Variants in AGBL4 observed in about 807,000 individuals in gnomAD.
AGBL4 encodes cytosolic carboxypeptidase 6.
AGBL4 carries 58 observed loss-of-function variants against 66.4 expected under a neutral mutation model. The ratio of observed to expected loss-of-function variants is 0.87; its 90% CI spans 0.71 to 1.09. The LOEUF is 1.09. Among genes scored for constraint, AGBL4 ranks in the 50% least tolerant of loss-of-function variants. AGBL4 has a pLI of 0.00. For missense variants in AGBL4, 579 were observed against 631.0 expected (o/e 0.92, Z 0.88); for synonymous variants, 234 against 222.9 (o/e 1.05, Z -0.44).
chr1:48,742,743 C>T (rs771957986), intron 6 of AGBL4: 15 of 1,605,192 alleles, frequency 9.3e-6, no homozygotes, highest in Non-Finnish European at 1.2e-5. Context: ...GACATTCTGA[C>T]TTTACTTTTT....
chr1:48,698,038 C>T (rs1646741025), intron 6 of AGBL4, among the ~76,000 whole-genome samples: 1 of 152,218 alleles, frequency 6.6e-6, no homozygotes. Flanking sequence ...AAGGCTGGGC[C>T]ATGGCTGGAC....
At chr1:48,604,617 T>A (rs191853463) in intron 9 of AGBL4, among the ~76,000 whole-genome samples, 1,759 of 152,196 alleles carry the variant, frequency 0.012, 17 homozygotes, top group Middle Eastern at 0.051. Flanking sequence ...AGGTTTTTTT[T>A]TAAAAAAAAT....
intron 6 of AGBL4, among the ~76,000 whole-genome samples, chr1:48,828,724 C>A (rs1457504088): frequency 6.6e-6 from 1 of 152,164 alleles, no homozygotes; most frequent in East Asian, 1.9e-4. Flanking sequence ...TTCTAGGCTG[C>A]CAGTTCTGCC....
At position 49,656,906 on chromosome 1, in the gene AGBL4, A is replaced by C. The variant is rs868132357; in HGVS notation, c.282+40407T>G. Among the ~76,000 whole-genome samples, 5 of 152,332 alleles carry C rather than the reference A, an allele frequency of 3.3e-5. No individual in the cohort carries two copies. In the South Asian group the frequency reaches 1.0e-3, roughly 32 times the overall value. Reference sequence around the variant, plus strand: ...CAAACCCACAGCCAATATCATACTGAATGGGCAAAAACTGGAAGCATTCCC... The same window carrying C: ...CAAACCCACAGCCAATATCATACTGCATGGGCAAAAACTGGAAGCATTCCC... On this transcript the variant is annotated intron_variant, in intron 3 of 13. Transcript: ENST00000371839.
At chr1:49,888,712 A>C (rs1174628056) in intron 1 of AGBL4, among the ~76,000 whole-genome samples, 1 of 152,314 alleles carries the variant, frequency 6.6e-6, no homozygotes, top group African/African-American at 2.4e-5. Context: ...TCTAATGAAC[A>C]TAACCACCCA....
chr1:48,750,769 A>C (rs1651597530), intron 6 of AGBL4, among the ~76,000 whole-genome samples: 1 of 152,334 alleles, frequency 6.6e-6, no homozygotes, highest in Non-Finnish European at 1.5e-5. Flanking sequence ...CTCTAGTGGA[A>C]TGTTACTGGA....
chr1:48,645,870 C>G (rs774402636), intron 8 of AGBL4, among the ~76,000 whole-genome samples: 17 of 151,950 alleles, frequency 1.1e-4, no homozygotes, highest in South Asian at 2.1e-4. Flanking sequence ...GCGGGAAGGA[C>G]AGGGAGGGGA....
intron 3 of AGBL4, among the ~76,000 whole-genome samples, chr1:49,513,168 A>C (rs1649434919): frequency 6.6e-6 from 1 of 152,076 alleles, no homozygotes; most frequent in African/African-American, 2.4e-5. Context: ...TTCTAGTATA[A>C]ATCTGAATTT....
At chr1:48,868,030 A>C (rs537823300) in intron 5 of AGBL4, among the ~76,000 whole-genome samples, 1 of 152,242 alleles carries the variant, frequency 6.6e-6, no homozygotes, top group Admixed American at 6.5e-5. Context: ...GCAGCTGGTG[A>C]AGTGGTGAGC....
At chr1:48,766,253 CA>C (rs1644523445) in intron 6 of AGBL4, among the ~76,000 whole-genome samples, 1 of 151,898 alleles carries the variant, frequency 6.6e-6, no homozygotes, top group Admixed American at 6.6e-5. Context: ...CTCAAAGAAA[CA>C]AAACTCTCCT....
At chr1:48,805,849 G>T (rs962541351) in intron 6 of AGBL4, among the ~76,000 whole-genome samples, 1 of 152,146 alleles carries the variant, frequency 6.6e-6, no homozygotes, top group Non-Finnish European at 1.5e-5. Flanking sequence ...TGCAGAGAAA[G>T]AATAAGAGAA....
chr1:48,814,300 T>C lies in AGBL4; in HGVS notation c.634+52891A>G, dbSNP rs185309481. 2.6e-3 allele frequency among the ~76,000 whole-genome samples: 402 copies of C among 152,268 alleles called. 1 individual carries two copies. The highest frequency in any genetic ancestry group is 2.8e-3 in the Non-Finnish European group (193 of 68,006). ...TGCTTATTTTCCCATCACTGAATTC[T>C]GCTCATTTGCTACTTTTTAAAAATA... is the stretch of plus-strand genomic sequence containing the variant. On this transcript the variant is annotated intron_variant, in intron 6 of 13. Transcript: ENST00000371839.
chr1:49,506,145 G>A (rs1049989143), intron 3 of AGBL4, among the ~76,000 whole-genome samples: 4 of 151,814 alleles, frequency 2.6e-5, no homozygotes, highest in African/African-American at 9.7e-5. Context: ...AGGGGTCAGC[G>A]AACTTTTTGT....
At chr1:48,563,432 G>C (rs1032305214) in intron 11 of AGBL4, among the ~76,000 whole-genome samples, 2 of 152,098 alleles carry the variant, frequency 1.3e-5, no homozygotes, top group Admixed American at 1.3e-4. Context: ...ACTGTGAATA[G>C]AGAAAAAGAG....
intron 7 of AGBL4, among the ~76,000 whole-genome samples, chr1:48,660,837 G>A (rs1485873879): frequency 3.7e-5 from 4 of 107,906 alleles, no homozygotes; most frequent in Admixed American, 2.8e-4. Context: ...TGGGTGATCA[G>A]AACTCAGTTC....
intron 5 of AGBL4, among the ~76,000 whole-genome samples, chr1:49,016,696 T>C (rs990869405): frequency 5.3e-5 from 8 of 152,184 alleles, no homozygotes; most frequent in African/African-American, 1.9e-4. Context: ...GGATCTATAG[T>C]AGTTGGGTAA....
intron 1 of AGBL4, among the ~76,000 whole-genome samples, chr1:49,907,675 T>G (rs1650408864): frequency 6.6e-6 from 1 of 152,104 alleles, no homozygotes; most frequent in African/African-American, 2.4e-5. Context: ...GAGACAGAGA[T>G]AAATACATGG....
At chr1:49,744,501 T>C (rs1175858360) in intron 2 of AGBL4, among the ~76,000 whole-genome samples, 3 of 152,018 alleles carry the variant, frequency 2.0e-5, no homozygotes, top group African/African-American at 4.8e-5. Context: ...AATGCAACAA[T>C]AGACCAATAC....
chr1:48,776,294 G>C (rs983856790), intron 6 of AGBL4, among the ~76,000 whole-genome samples: 1 of 152,230 alleles, frequency 6.6e-6, no homozygotes, highest in African/African-American at 2.4e-5. Flanking sequence ...GAGAAAAATG[G>C]AAAGTGAAGG....
Sources: gnomAD v4.1 joint callset for allele counts (sites outside exome capture counted in the v4.1 genomes callset) on GRCh38, gnomAD v4.1.1 for gene constraint, MANE v1.5 for transcripts, NCBI Gene and HGNC (gene_info 2026-07-23, HGNC 2026-07-21) for gene names.